Variants in CBLB observed in about 807,000 individuals in gnomAD.
The protein encoded by CBLB is Cbl proto-oncogene B.
Under a neutral mutation model 104.9 loss-of-function variants are expected in CBLB, and 31 were observed. The ratio of observed to expected loss-of-function variants is 0.30; its 90% CI spans 0.22 to 0.40. CBLB has a LOEUF of 0.40. CBLB is among the 10% of genes least tolerant of loss of function. The probability of loss-of-function intolerance (pLI) is 1.00; values close to 1 mark genes in which losing one functional copy is unlikely to be tolerated. For synonymous variants in CBLB, 440 were observed against 422.6 expected, an observed-to-expected ratio of 1.04 and a Z score of -0.51; for missense variants, 1,062 against 1,214.6, an observed-to-expected ratio of 0.87 and a Z score of 1.87.
intron 10 of CBLB, among the ~76,000 whole-genome samples, chr3:105,713,775 C>T (rs2071445815): frequency 6.6e-6 from 1 of 152,146 alleles, no homozygotes; most frequent in Non-Finnish European, 1.5e-5. Context: ...TGCTTACTGT[C>T]ACTCACGGCT....
chr3:105,854,960 C>T (rs894563882), intron 2 of CBLB, among the ~76,000 whole-genome samples: 16 of 152,030 alleles, frequency 1.1e-4, no homozygotes, highest in African/African-American at 3.9e-4. Flanking sequence ...ACATAATTGG[C>T]TAAAGCCTCC....
chr3:105,692,349 T>C (rs531139245), intron 13 of CBLB, among the ~76,000 whole-genome samples: 55 of 152,280 alleles, frequency 3.6e-4, no homozygotes, highest in Middle Eastern at 3.4e-3. Context: ...AGAGTCACAT[T>C]AAAATTAGAA....
intron 12 of CBLB, among the ~76,000 whole-genome samples, chr3:105,700,395 A>C (rs951168850): frequency 6.6e-6 from 1 of 152,152 alleles, no homozygotes; most frequent in Non-Finnish European, 1.5e-5. Flanking sequence ...CTGAGATATA[A>C]CTAGTTAATT....
intron 16 of CBLB, among the ~76,000 whole-genome samples, chr3:105,680,276 G>A (rs1013416126): frequency 3.3e-5 from 5 of 152,206 alleles, no homozygotes; most frequent in South Asian, 2.1e-4. Context: ...AAAATGACAC[G>A]CATAAGAAGA....
intron 2 of CBLB, among the ~76,000 whole-genome samples, chr3:105,866,853 G>A (rs1381431605): frequency 2.0e-5 from 3 of 152,078 alleles, no homozygotes; most frequent in Admixed American, 6.5e-5. Flanking sequence ...TTTCAAAATG[G>A]AATAGTAGAT....
chr3:105,690,927 T>G (rs1300065705), intron 13 of CBLB, among the ~76,000 whole-genome samples: 1 of 151,940 alleles, frequency 6.6e-6, no homozygotes, highest in Non-Finnish European at 1.5e-5. Flanking sequence ...GGTTTTGTAA[T>G]AAACACAATG....
chr3:105,792,639 G>A (rs563377773), intron 3 of CBLB, among the ~76,000 whole-genome samples: 14 of 152,208 alleles, frequency 9.2e-5, no homozygotes, highest in African/African-American at 3.1e-4. Flanking sequence ...AAATTCTTCC[G>A]ATGGGTCAAC....
At chr3:105,700,302 A>G (rs1403837573) in intron 12 of CBLB, among the ~76,000 whole-genome samples, 1 of 152,164 alleles carries the variant, frequency 6.6e-6, no homozygotes, top group Non-Finnish European at 1.5e-5. Context: ...CCGAGACAAG[A>G]TATCTTCAAT....
rs1296488083 is a variant in CBLB, at chr3:105,681,725, C to T, written c.2295G>A (p.Lys765=). 1 of 1,601,768 alleles carries T rather than the reference C, an allele frequency of 6.2e-7. No homozygotes were observed. Among genetic ancestry groups the T allele is most frequent in the Non-Finnish European group, 8.6e-7 (1 of 1,168,850 alleles). ...AAGGAAATTATATTCTATACGTACC[C>T]TTTAAATATATGCTTAAGTCAGGGA... is the stretch of plus-strand genomic sequence containing the variant. The part of the protein sequence containing the change: ...SNIPDLSIYL[K]GDVFDSASDP... The change falls in exon 15 of 19, where the codon AAG becomes AAA. Residue 765 remains lysine, a splice_region_variant and synonymous_variant. Transcript: ENST00000394030.
chr3:105,817,198 T>C (rs903509616), intron 3 of CBLB, among the ~76,000 whole-genome samples: 3 of 152,174 alleles, frequency 2.0e-5, no homozygotes, highest in African/African-American at 7.2e-5. Context: ...CAGAAGAGGA[T>C]TAAAGTGTTA....
At chr3:105,812,842 T>G (rs927575392) in intron 3 of CBLB, among the ~76,000 whole-genome samples, 2 of 152,178 alleles carry the variant, frequency 1.3e-5, no homozygotes, top group Admixed American at 1.3e-4. Context: ...TGAAATAAAA[T>G]CAATATCTTA....
chr3:105,814,671 T>G (rs1255383136), intron 3 of CBLB, among the ~76,000 whole-genome samples: 2 of 152,172 alleles, frequency 1.3e-5, no homozygotes, highest in Admixed American at 1.3e-4. Context: ...TAGGCTTCAA[T>G]TATTTCTTAC....
At chr3:105,725,618 C>A (rs1057124101) in intron 9 of CBLB, among the ~76,000 whole-genome samples, 1 of 152,148 alleles carries the variant, frequency 6.6e-6, no homozygotes, top group Non-Finnish European at 1.5e-5. Context: ...GGACAACTCT[C>A]GCAGCTTCTT....
Position 105,738,655 on chromosome 3 carries a change from C to T in CBLB, c.984-1397G>A, listed in dbSNP as rs555103994. On this transcript the variant is annotated intron_variant, in intron 7 of 18. Coordinates refer to ENST00000394030, the MANE Select transcript of CBLB (RefSeq NM_170662.5). ...AGGAAAGGTTAAAGGTTCTTTTTAA[C>T]CTATCAGGAGGTTGTTGATAGGTTC... is the stretch of plus-strand genomic sequence containing the variant. Among the ~76,000 whole-genome samples, 146 of 151,976 alleles carry T rather than the reference C, an allele frequency of 9.6e-4. 1 individual carries two copies. The highest frequency in any genetic ancestry group is 3.3e-3 in the Admixed American group (50 of 15,266).
At chr3:105,792,801 A>C (rs1237762025) in intron 3 of CBLB, among the ~76,000 whole-genome samples, 1 of 152,110 alleles carries the variant, frequency 6.6e-6, no homozygotes, top group East Asian at 1.9e-4. Flanking sequence ...TCCCTCAATA[A>C]TCTCCATCAA....
chr3:105,785,427 T>G (rs1381185875), intron 3 of CBLB, among the ~76,000 whole-genome samples: 1 of 152,230 alleles, frequency 6.6e-6, no homozygotes, highest in Non-Finnish European at 1.5e-5. Context: ...CTCATTTTTT[T>G]TCTTTCTTCA....
chr3:105,670,467 T>A, intron 17 of CBLB, 115 bp from the exon 18 acceptor site: 1 of 881,346 alleles, frequency 1.1e-6, no homozygotes, highest in South Asian at 1.6e-5. Context: ...AATTAGAAAA[T>A]TAAATTCATG....
At chr3:105,741,996 T>C (rs1310255296) in intron 6 of CBLB, among the ~76,000 whole-genome samples, 1 of 152,242 alleles carries the variant, frequency 6.6e-6, no homozygotes, top group East Asian at 1.9e-4. Context: ...TTGAAACTAA[T>C]ATCCAACAAA....
intron 3 of CBLB, among the ~76,000 whole-genome samples, chr3:105,788,784 T>C (rs1223912940): frequency 6.6e-6 from 1 of 152,232 alleles, no homozygotes; most frequent in African/African-American, 2.4e-5. Context: ...AGCCTGTGAC[T>C]TGCTTTACTC....
Sources: gnomAD v4.1 joint callset for allele counts (sites outside exome capture counted in the v4.1 genomes callset) on GRCh38, gnomAD v4.1.1 for gene constraint, MANE v1.5 for transcripts, NCBI Gene and HGNC (gene_info 2026-07-23, HGNC 2026-07-21) for gene names.